Variants in FBXL7 observed in about 807,000 individuals in gnomAD.
The protein encoded by FBXL7 is F-box and leucine rich repeat protein 7, also known as F-box/LRR-repeat protein 7.
In FBXL7, 12 loss-of-function variants were observed where a neutral mutation model predicts 38.3. The ratio of observed to expected loss-of-function variants is 0.31; its 90% confidence interval spans 0.20 to 0.51. FBXL7 has a LOEUF of 0.51. Ranked by LOEUF, FBXL7 falls within the 20% of genes least tolerant of loss-of-function variation. The pLI is 0.98. For synonymous variants in FBXL7, 297 were observed against 300.9 expected, an observed-to-expected ratio of 0.99 and a Z score of 0.13; for missense variants, 567 against 676.4, an observed-to-expected ratio of 0.84 and a Z score of 1.79.
chr5:15,718,873 A>G (rs1268451840), intron 2 of FBXL7, among the ~76,000 whole-genome samples: 2 of 152,258 alleles, frequency 1.3e-5, no homozygotes, highest in Non-Finnish European at 2.9e-5. Context: ...AAGTGGTGCC[A>G]AAACCCCTTT....
At chr5:15,634,994 A>G (rs1178681660) in intron 2 of FBXL7, among the ~76,000 whole-genome samples, 1 of 152,018 alleles carries the variant, frequency 6.6e-6, no homozygotes, top group African/African-American at 2.4e-5. Context: ...ACATAAAGTA[A>G]CATATTCATA....
intron 2 of FBXL7, among the ~76,000 whole-genome samples, chr5:15,624,837 T>G (rs1374250407): frequency 6.6e-6 from 1 of 152,102 alleles, no homozygotes; most frequent in African/African-American, 2.4e-5. Flanking sequence ...TTATGTAAAA[T>G]TAAATGAGTG....
intron 2 of FBXL7, among the ~76,000 whole-genome samples, chr5:15,638,604 G>C (rs1465166018): frequency 7.9e-5 from 12 of 152,004 alleles, no homozygotes; most frequent in African/African-American, 9.7e-5. Context: ...CAAGTTTCTT[G>C]CACATCTCGG....
chr5:15,661,080 A>C (rs1052223826), intron 2 of FBXL7, among the ~76,000 whole-genome samples: 2 of 152,210 alleles, frequency 1.3e-5, no homozygotes, highest in Admixed American at 6.5e-5. Flanking sequence ...TAGACAGTCC[A>C]TGTAATTTTT....
chr5:15,929,110 G>T (rs1056090913), intron 3 of FBXL7, among the ~76,000 whole-genome samples: 21 of 152,306 alleles, frequency 1.4e-4, no homozygotes, highest in African/African-American at 4.8e-4. Flanking sequence ...ATGACCTCGT[G>T]TGTTTTCGTA....
chr5:15,757,092 CAAA>C (rs1379352439), intron 2 of FBXL7, among the ~76,000 whole-genome samples: 1 of 152,052 alleles, frequency 6.6e-6, no homozygotes, highest in Non-Finnish European at 1.5e-5. Context: ...CTGTGAACCT[CAAA>C]AAGTAAATCA....
intron 2 of FBXL7, among the ~76,000 whole-genome samples, chr5:15,843,090 T>G (rs1486279424): frequency 1.3e-5 from 2 of 152,244 alleles, no homozygotes; most frequent in Admixed American, 1.3e-4. Context: ...TGATTCTCTA[T>G]ATAATTTTCA....
intron 2 of FBXL7, among the ~76,000 whole-genome samples, chr5:15,852,694 A>G (rs1466880823): frequency 6.6e-6 from 1 of 152,140 alleles, no homozygotes; most frequent in African/African-American, 2.4e-5. Flanking sequence ...GAAAAAAAAA[A>G]AACATGGCCA....
At chr5:15,631,990 G>C (rs7704791) in intron 2 of FBXL7, among the ~76,000 whole-genome samples, 1 of 151,926 alleles carries the variant, frequency 6.6e-6, no homozygotes, top group South Asian at 2.1e-4. Context: ...CTTTCAAAGC[G>C]TAACAACAGA....
At position 15,810,309 on chromosome 5, in the gene FBXL7, C is replaced by T. The variant is rs539271991; in HGVS notation, c.128-117581C>T. The stretch of plus-strand genomic sequence containing the variant: ...GGCACAGTGGCTCATGCCTGTAATC[C>T]CAGCACTTTGGGAGGCCGAGGTGGG... On this transcript the variant is annotated intron_variant, in intron 2 of 3. Transcript: ENST00000504595. 2.6e-5 allele frequency among the ~76,000 whole-genome samples: 4 copies of T among 151,860 alleles called. No individual in the cohort carries two copies. In the East Asian group the frequency reaches 7.7e-4, roughly 29 times the overall value.
chr5:15,786,198 A>G (rs1021025888), intron 2 of FBXL7, among the ~76,000 whole-genome samples: 4 of 152,182 alleles, frequency 2.6e-5, no homozygotes, highest in African/African-American at 9.7e-5. Flanking sequence ...CTCAGTAATC[A>G]TTGTACTGTT....
intron 2 of FBXL7, among the ~76,000 whole-genome samples, chr5:15,707,174 G>GTTTTTTTTTTTTTTTTGT (rs1743710255): frequency 1.4e-5 from 1 of 70,392 alleles, no homozygotes; most frequent in Non-Finnish European, 2.4e-5. Flanking sequence ...TTTTCTTTTC[G>GTTTTTTTTTTTTTTTTGT]TTTTTTTTTT....
intron 2 of FBXL7, among the ~76,000 whole-genome samples, chr5:15,853,264 G>A (rs562404075): frequency 6.6e-6 from 1 of 152,246 alleles, no homozygotes; most frequent in Non-Finnish European, 1.5e-5. Flanking sequence ...CACACCCCAG[G>A]GCTGATTCAG....
At chr5:15,582,215 A>G (rs1739168313) in intron 1 of FBXL7, among the ~76,000 whole-genome samples, 1 of 152,230 alleles carries the variant, frequency 6.6e-6, no homozygotes, top group African/African-American at 2.4e-5. Flanking sequence ...CTGGGATTAC[A>G]GGTGTGAGGC....
intron 1 of FBXL7, among the ~76,000 whole-genome samples, chr5:15,580,168 CCT>C (rs1171464250): frequency 6.6e-6 from 1 of 152,034 alleles, no homozygotes; most frequent in Non-Finnish European, 1.5e-5. Context: ...CCAGAGCTCC[CCT>C]CTCTCTGCCA....
chr5:15,752,970 A>G (rs1736192152), intron 2 of FBXL7, among the ~76,000 whole-genome samples: 1 of 152,162 alleles, frequency 6.6e-6, no homozygotes, highest in Non-Finnish European at 1.5e-5. Context: ...TTTCAGCAAA[A>G]TGTTGACGTT....
intron 2 of FBXL7, among the ~76,000 whole-genome samples, chr5:15,625,353 T>TA (rs756363753): frequency 2.6e-5 from 4 of 151,886 alleles, no homozygotes; most frequent in Non-Finnish European, 5.9e-5. Flanking sequence ...ATTTTCCCTT[T>TA]AAAAAAAACT....
At chr5:15,933,743 G>C (rs1044371521) in intron 3 of FBXL7, among the ~76,000 whole-genome samples, 1 of 152,024 alleles carries the variant, frequency 6.6e-6, no homozygotes, top group Non-Finnish European at 1.5e-5. Context: ...AGAGTTTCCT[G>C]GGCAGCCTAC....
At position 15,616,120 on chromosome 5, in the gene FBXL7, C is replaced by T. The variant is rs1209330755; in HGVS notation, c.127+48C>T. On this transcript the variant is annotated intron_variant, in intron 2 of 3. Coordinates refer to ENST00000504595, the MANE Select transcript of FBXL7 (RefSeq NM_012304.5). The stretch of plus-strand genomic sequence containing the variant: ...CTCTCTTTCTTCTTCACAGGGCTGG[C>T]TATTTTTGGAACAGAAATAAAGTGT... 3 of 1,349,090 alleles carry T rather than the reference C, an allele frequency of 2.2e-6. No individual in the cohort carries two copies. In the African/African-American group the frequency reaches 4.3e-5, roughly 19 times the overall value. The allele number at this position is 1,349,090 out of a possible 1,614,324, so 83.6% of individuals were successfully genotyped here.
Sources: gnomAD v4.1 joint callset for allele counts (sites outside exome capture counted in the v4.1 genomes callset) on GRCh38, gnomAD v4.1.1 for gene constraint, MANE v1.5 for transcripts, NCBI Gene and HGNC (gene_info 2026-07-23, HGNC 2026-07-21) for gene names.